Variants in CEP83 observed in about 807,000 individuals in gnomAD.
The protein encoded by CEP83 is centrosomal protein 83.
CEP83 carries 70 observed loss-of-function variants against 101.9 expected under a neutral mutation model. The ratio of observed to expected loss-of-function variants is 0.69; its 90% CI spans 0.57 to 0.84. The LOEUF (loss-of-function observed/expected upper bound fraction) is 0.84. CEP83 is among the 40% of genes least tolerant of loss of function. The pLI is 0.00. For missense variants in CEP83, 715 were observed against 787.2 expected (o/e 0.91, Z 1.10); for synonymous variants, 264 against 267.9 (o/e 0.99, Z 0.14).
chr12:94,309,062 G>C (rs997788036), intron 16 of CEP83, 145 bp from the exon 17 acceptor site: 27 of 584,688 alleles, frequency 4.6e-5, no homozygotes, highest in Non-Finnish European at 7.0e-5. Flanking sequence ...CAGTAGCATG[G>C]GCTAAACTAC....
intron 2 of CEP83, among the ~76,000 whole-genome samples, chr12:94,431,762 G>C (rs1314689102): frequency 6.6e-6 from 1 of 152,074 alleles, no homozygotes; most frequent in Non-Finnish European, 1.5e-5. Flanking sequence ...AATTAGAATG[G>C]CTACTATAAA....
chr12:94,423,980 G>C (rs2064990093), intron 2 of CEP83: 1 of 1,613,016 alleles, frequency 6.2e-7, no homozygotes, highest in Non-Finnish European at 8.5e-7. Context: ...AGGCTGGAGA[G>C]AAATGGGATG....
intron 14 of CEP83, among the ~76,000 whole-genome samples, chr12:94,316,651 C>T (rs1970739336): frequency 6.6e-6 from 1 of 152,124 alleles, no homozygotes; most frequent in Non-Finnish European, 1.5e-5. Flanking sequence ...TTAGCTCCCA[C>T]TTATGACAAT....
At chr12:94,445,118 T>C (rs1416691042) in intron 1 of CEP83, among the ~76,000 whole-genome samples, 2 of 152,102 alleles carry the variant, frequency 1.3e-5, no homozygotes, top group East Asian at 1.9e-4. Context: ...CTATGTAGTA[T>C]TAAATCAGTC....
In CEP83 at chr12:94,356,924, G is replaced by T. The variant is rs376455104; in HGVS notation, c.1343+10870C>A. 5.3e-5 allele frequency among the ~76,000 whole-genome samples: 8 copies of T among 152,286 alleles called. No homozygotes were observed. In the East Asian group the frequency reaches 9.7e-4, roughly 18 times the overall value. On this transcript the variant is annotated intron_variant, in intron 11 of 16. Coordinates refer to ENST00000397809, the MANE Select transcript of CEP83 (RefSeq NM_016122.3). ...CTGGGCTGGTTTAGATGCACAACTGGTCATGCAGGATGATGCCATAGAACA... is the reference window on the plus strand; with the variant it reads ...CTGGGCTGGTTTAGATGCACAACTGTTCATGCAGGATGATGCCATAGAACA...
At position 94,370,029 on chromosome 12, in the gene CEP83, T is replaced by A; in HGVS notation, c.941A>T (p.Glu314Val). 6.3e-7 allele frequency: 1 copy of A among 1,575,966 alleles called. No individual in the cohort carries two copies. Among genetic ancestry groups the A allele is most frequent in the Non-Finnish European group, 8.7e-7 (1 of 1,146,402 alleles). Residue 314 changes from glutamate (E) to valine (V), a missense_variant, in exon 9 of 17, where the codon GAA becomes GTA. Glu to Val is a moderately radical substitution (Grantham distance 121). Transcript: ENST00000397809. Reference sequence around the variant, plus strand: ...TTCCAGTTTGTTTGAATGTTTAAGTTCTTTTACCTGTTGATAATTAAAAAC... The same window carrying A: ...TTCCAGTTTGTTTGAATGTTTAAGTACTTTTACCTGTTGATAATTAAAAAC... Reference protein sequence around the residue: ...EINTLSSKVKELKHSNKLEIT... With the variant: ...EINTLSSKVKVLKHSNKLEIT...
chr12:94,278,621 G>T, the CEP83 span, among the ~76,000 whole-genome samples: 41 of 152,202 alleles, frequency 2.7e-4, no homozygotes, highest in South Asian at 8.5e-3. Context: ...CTTTAATGAG[G>T]GCTGGGGAAA....
the CEP83 span, chr12:94,272,379 GC>G: frequency 6.6e-6 from 1 of 152,394 alleles, no homozygotes; most frequent in Non-Finnish European, 1.5e-5. Flanking sequence ...TGTAAGCAGG[GC>G]TGTAGAAAGG....
chr12:94,350,024 A>G (rs1351446969), intron 11 of CEP83, among the ~76,000 whole-genome samples: 3 of 152,202 alleles, frequency 2.0e-5, no homozygotes, highest in African/African-American at 4.8e-5. Context: ...AACACATCCC[A>G]TGTTCATAAA....
intron 7 of CEP83, among the ~76,000 whole-genome samples, chr12:94,377,261 G>T (rs961397274): frequency 6.6e-6 from 1 of 152,030 alleles, no homozygotes; most frequent in Non-Finnish European, 1.5e-5. Flanking sequence ...ATCATTTGGC[G>T]ACACAGTACT....
chr12:94,301,205 T>A, the CEP83 span: 1 of 550,040 alleles, frequency 1.8e-6, no homozygotes, highest in Non-Finnish European at 3.0e-6. Context: ...TGCTGTTATT[T>A]AAAATCTGTC....
chr12:94,349,329 C>T (rs2060098745), intron 11 of CEP83, among the ~76,000 whole-genome samples: 1 of 150,546 alleles, frequency 6.6e-6, no homozygotes, highest in Admixed American at 6.6e-5. Context: ...AATCCCGAAG[C>T]ATGGATTTTT....
chr12:94,268,588 C>CTTTTTTTTTTTTTTTTT, the CEP83 span, among the ~76,000 whole-genome samples: 413 of 90,850 alleles, frequency 4.5e-3, 20 homozygotes, highest in Middle Eastern at 0.017. Context: ...AGAATAAGAC[C>CTTTTTTTTTTTTTTTTT]TTTTTTTTTT....
intron 1 of CEP83, among the ~76,000 whole-genome samples, chr12:94,443,795 T>C (rs1411849094): frequency 1.3e-5 from 2 of 151,978 alleles, no homozygotes; most frequent in Admixed American, 1.3e-4. Flanking sequence ...CCTAATTTAT[T>C]CTATATTCTA....
In CEP83 at chr12:94,320,843, G is replaced by GA. The variant is rs1286290928; in HGVS notation, c.1708-7827dup. On this transcript the variant is annotated intron_variant, in intron 14 of 16. Coordinates refer to ENST00000397809, the MANE Select transcript of CEP83 (RefSeq NM_016122.3). ...TTAATATTCTTTCATTTTGACCTTG[G>GA]AAAATCTGATGATTATGTGTCTTGG... Among the ~76,000 whole-genome samples the GA allele has an allele frequency of 2.6e-5, 4 of 152,202 alleles. No homozygotes were observed. The East Asian group carries it at 7.7e-4, about 29-fold the overall frequency.
intron 11 of CEP83, among the ~76,000 whole-genome samples, chr12:94,339,564 G>A (rs4300431): frequency 6.6e-6 from 1 of 152,188 alleles, no homozygotes; most frequent in Non-Finnish European, 1.5e-5. Flanking sequence ...GGGCAGCAAA[G>A]GCTCTAATGT....
At chr12:94,312,044 C>T (rs1380034316) in intron 15 of CEP83, among the ~76,000 whole-genome samples, 1 of 151,854 alleles carries the variant, frequency 6.6e-6, no homozygotes, top group Non-Finnish European at 1.5e-5. Flanking sequence ...CACTGCACTC[C>T]ACCCTGAACC....
intron 1 of CEP83, among the ~76,000 whole-genome samples, chr12:94,450,493 C>T (rs2067170353): frequency 6.6e-6 from 1 of 152,202 alleles, no homozygotes. Context: ...ACCTCGTGAT[C>T]CACCTGCCTT....
the CEP83 span, among the ~76,000 whole-genome samples, chr12:94,279,068 C>T: frequency 6.6e-6 from 1 of 152,038 alleles, no homozygotes; most frequent in Non-Finnish European, 1.5e-5. Context: ...TAGAACTGCA[C>T]TTCTGGGACT....
Sources: allele counts gnomAD v4.1 joint callset (sites outside exome capture counted in the v4.1 genomes callset), GRCh38; gene constraint gnomAD v4.1.1; transcripts MANE v1.5; gene names NCBI Gene and HGNC (gene_info 2026-07-23, HGNC 2026-07-21).